The following FBLN2 variants were observed in gnomAD, a reference collection of about 807,000 sequenced individuals.
FBLN2 encodes fibulin 2, also known as fibulin-2.
Under a neutral mutation model 123.7 loss-of-function variants are expected in FBLN2, and 81 were observed. The ratio of observed to expected loss-of-function variants is 0.65; its 90% CI spans 0.55 to 0.79. FBLN2 has a LOEUF of 0.79. Ranked by LOEUF, FBLN2 falls within the 30% of genes least tolerant of loss-of-function variation. FBLN2 has a pLI of 0.00. For synonymous variants in FBLN2, 699 were observed against 701.4 expected (o/e 1.00, Z 0.05); for missense variants, 1,603 against 1,681.3 (o/e 0.95, Z 0.81).
chr3:13,620,831 G>A (rs756239348), intron 8 of FBLN2, among the ~76,000 whole-genome samples: 5 of 152,208 alleles, frequency 3.3e-5, no homozygotes, highest in Non-Finnish European at 5.9e-5. Flanking sequence ...ATCCCCAGCC[G>A]AGACTGTTCT....
chr3:13,579,602 T>C (rs1422643765), intron 2 of FBLN2, among the ~76,000 whole-genome samples: 1 of 152,250 alleles, frequency 6.6e-6, no homozygotes, highest in Non-Finnish European at 1.5e-5. Flanking sequence ...TTGGAGCTTT[T>C]CCCTGTCACT....
chr3:13,563,699 G>A (rs561320795), intron 1 of FBLN2, among the ~76,000 whole-genome samples: 1 of 152,358 alleles, frequency 6.6e-6, no homozygotes, highest in East Asian at 1.9e-4. Context: ...TACTGTGGGC[G>A]TTGGGTTGGA....
intron 1 of FBLN2, among the ~76,000 whole-genome samples, chr3:13,568,148 C>T (rs1703804800): frequency 6.6e-6 from 1 of 152,114 alleles, no homozygotes; most frequent in Non-Finnish European, 1.5e-5. Flanking sequence ...GGGGCGTCAG[C>T]CCTCGAGGCC....
chr3:13,551,877 T>TCTTTTTTTTAAAGACAG (rs1158087501), intron 1 of FBLN2, among the ~76,000 whole-genome samples: 26 of 148,244 alleles, frequency 1.8e-4, no homozygotes, highest in Middle Eastern at 3.4e-3. Flanking sequence ...CAGGATCTCG[T>TCTTTTTTTTAAAGACAG]CCTGTCTCTC....
chr3:13,607,744 A>T lies in FBLN2; in HGVS notation c.1307-318A>T, dbSNP rs530335825. ...TGAGAGGTGGACAAAGCTGTGGCCC[A>T]CGTGAGGTCTGACCCTGTGGGAGCT... is the stretch of plus-strand genomic sequence containing the variant. On this transcript the variant is annotated intron_variant, in intron 2 of 17. Transcript: ENST00000404922. Among the ~76,000 whole-genome samples the T allele has an allele frequency of 4.6e-5, 7 of 152,238 alleles. No individual in the cohort carries two copies. In the South Asian group the frequency reaches 1.5e-3, roughly 32 times the overall value.
At chr3:13,594,961 G>A (rs1415073523) in intron 2 of FBLN2, among the ~76,000 whole-genome samples, 4 of 152,218 alleles carry the variant, frequency 2.6e-5, no homozygotes, top group Non-Finnish European at 4.4e-5. Flanking sequence ...TGGCTCAGGA[G>A]CCTGCACTCT....
chr3:13,621,791 G>T lies in FBLN2; in HGVS notation c.2172G>T (p.Leu724=). The T allele has an allele frequency of 6.2e-7, 1 of 1,614,016 alleles. No individual in the cohort carries two copies. Among genetic ancestry groups the T allele is most frequent in the Non-Finnish European group, 8.5e-7 (1 of 1,179,876 alleles). ...GVSCEDQDEC[L]MGAHDCSRRQ... ...TGCCACTAGACCAAGACGAGTGCCT[G>T]ATGGGTGCTCACGATTGTAGCCGGC... Residue 724 remains leucine, a synonymous_variant, in exon 9 of 18, where the codon CTG becomes CTT. Coordinates refer to ENST00000404922, the MANE Select transcript of FBLN2 (RefSeq NM_001004019.2).
Position 13,608,096 on chromosome 3 carries a change from A to C in FBLN2, c.1341A>C (p.Ala447=), listed in dbSNP as rs1285334726. The C allele has an allele frequency of 6.3e-7, 1 of 1,594,818 alleles. No individual in the cohort carries two copies. The highest frequency in any genetic ancestry group is 1.3e-5 in the African/African-American group (1 of 74,548). The change falls in exon 3 of 18, where the codon GCA becomes GCC. Residue 447 remains alanine (A), a synonymous_variant. Transcript: ENST00000404922. ...STKDLIETCC[A]AGQQWAIDND... Reference sequence around the variant, plus strand: ...AGGACCTGATCGAGACTTGCTGCGCAGCCGGACAGCAGTGGGCCATTGACA... The same window carrying C: ...AGGACCTGATCGAGACTTGCTGCGCCGCCGGACAGCAGTGGGCCATTGACA...
At chr3:13,597,079 A>G (rs998124154) in intron 2 of FBLN2, among the ~76,000 whole-genome samples, 5 of 152,066 alleles carry the variant, frequency 3.3e-5, no homozygotes, top group African/African-American at 1.2e-4. Flanking sequence ...CTATAGGCAC[A>G]CACCATCATG....
chr3:13,621,420 G>A (rs1456811747), intron 8 of FBLN2, among the ~76,000 whole-genome samples: 1 of 152,118 alleles, frequency 6.6e-6, no homozygotes, highest in Non-Finnish European at 1.5e-5. Flanking sequence ...GGCTGGCCTG[G>A]TCCCCTAAGT....
chr3:13,570,335 C>T lies in FBLN2; in HGVS notation c.-21C>T, dbSNP rs1202127697. On this transcript the variant is annotated 5_prime_UTR_variant, in exon 2 of 18. Coordinates refer to ENST00000404922, the MANE Select transcript of FBLN2 (RefSeq NM_001004019.2). Reference sequence around the variant, plus strand: ...CCCAGGGTCTTACAGGAGAGGGGACCGTCCTGGGCTGGCCTGGACCATGGT... The same window carrying T: ...CCCAGGGTCTTACAGGAGAGGGGACTGTCCTGGGCTGGCCTGGACCATGGT... 13 of 1,503,358 alleles carry T rather than the reference C, an allele frequency of 8.6e-6. No homozygotes were observed. The highest frequency in any genetic ancestry group is 2.3e-5 in the Admixed American group (1 of 43,728). The allele number at this position is 1,503,358 out of a possible 1,614,324, so 93.1% of individuals were successfully genotyped here. A position where few individuals can be genotyped will look rare whatever the true frequency, so the allele number is the denominator to read the frequency against.
At position 13,629,916 on chromosome 3, in the gene FBLN2, T is replaced by C. The variant is rs1483839047; in HGVS notation, c.2939T>C (p.Leu980Pro). The change falls in exon 14 of 18, where the codon CTG becomes CCG. Residue 980 changes from leucine (L) to proline (P), a missense_variant. Physicochemically the swap from Leu to Pro is moderately conservative, Grantham distance 98. Transcript: ENST00000404922. ...SYRCSCASGF[L>P]LAADGKRCED... ...CGCTGTTCCTGCGCCTCCGGGTTCC[T>C]GCTAGCAGCGGACGGCAAGCGCTGT... 6.2e-7 allele frequency: 1 copy of C among 1,609,876 alleles called. No homozygotes were observed. The highest frequency in any genetic ancestry group is 8.5e-7 in the Non-Finnish European group (1 of 1,178,694).
chr3:13,632,437 G>A (rs956554447), intron 16 of FBLN2, among the ~76,000 whole-genome samples: 1 of 152,240 alleles, frequency 6.6e-6, no homozygotes, highest in East Asian at 1.9e-4. Context: ...CAAAAGCAGA[G>A]GGGTCAGAGT....
chr3:13,549,921 A>G (rs932279974), intron 1 of FBLN2, among the ~76,000 whole-genome samples: 3 of 152,164 alleles, frequency 2.0e-5, no homozygotes, highest in Non-Finnish European at 4.4e-5. Flanking sequence ...CCTCTAGCAG[A>G]CAGTTGTGTC....
At chr3:13,616,426 C>T (rs887733942) in intron 5 of FBLN2, among the ~76,000 whole-genome samples, 1 of 152,184 alleles carries the variant, frequency 6.6e-6, no homozygotes, top group Non-Finnish European at 1.5e-5. Flanking sequence ...GAGGTACTGT[C>T]TAGCCTGTGG....
intron 1 of FBLN2, among the ~76,000 whole-genome samples, chr3:13,556,859 C>A (rs930107030): frequency 6.6e-6 from 1 of 152,170 alleles, no homozygotes; most frequent in Non-Finnish European, 1.5e-5. Flanking sequence ...ATTCAGGAGA[C>A]GTAGGGGCCC....
chr3:13,637,480 G>T, intron 17 of FBLN2, 82 bp from the exon 18 acceptor site: 13 of 1,301,352 alleles, frequency 1.0e-5, no homozygotes, highest in Non-Finnish European at 1.4e-5. Context: ...TGATCCTGCC[G>T]CTGAGCTGTG....
chr3:13,588,673 G>A (rs1704581706), intron 2 of FBLN2, among the ~76,000 whole-genome samples: 1 of 152,180 alleles, frequency 6.6e-6, no homozygotes, highest in African/African-American at 2.4e-5. Flanking sequence ...CAGTGCTGGT[G>A]CCCCACTGCC....
intron 2 of FBLN2, among the ~76,000 whole-genome samples, chr3:13,591,148 T>C (rs1276710663): frequency 6.6e-6 from 1 of 152,258 alleles, no homozygotes; most frequent in Non-Finnish European, 1.5e-5. Context: ...TGCCTTCTCT[T>C]ACAAGTTATG....
Sources: gnomAD v4.1 joint callset for allele counts (sites outside exome capture counted in the v4.1 genomes callset) on GRCh38, gnomAD v4.1.1 for gene constraint, MANE v1.5 for transcripts, NCBI Gene and HGNC (gene_info 2026-07-23, HGNC 2026-07-21) for gene names.